The following EPS8 variants were observed in gnomAD, a reference collection of about 807,000 sequenced individuals.
EPS8 encodes the protein epidermal growth factor receptor kinase substrate 8.
EPS8 carries 42 observed loss-of-function variants against 103.8 expected under a neutral mutation model. The observed-to-expected ratio is 0.40, with a 90% CI of 0.32 to 0.52. The LOEUF is 0.52. EPS8 is among the 20% of genes least tolerant of loss of function. EPS8 has a pLI of 0.40. For missense variants in EPS8, 969 were observed against 1,005.1 expected (o/e 0.96, Z 0.49); for synonymous variants, 344 against 344.6 (o/e 1.00, Z 0.02).
intron 12 of EPS8, among the ~76,000 whole-genome samples, chr12:15,657,331 A>G (rs909564741): frequency 2.0e-5 from 3 of 152,170 alleles, no homozygotes; most frequent in African/African-American, 7.2e-5. Context: ...TCCTTTAACC[A>G]ACCCTACTCA....
rs1166175886 is a variant in EPS8, at chr12:15,631,636, G to C, written c.1850C>G (p.Pro617Arg). The change falls in exon 18 of 21, where the codon CCA (proline) becomes CGA (arginine). Residue 617 changes from proline (P) to arginine (R), a missense_variant. Pro to Arg is a moderately radical substitution (Grantham distance 103, BLOSUM62 -2). Coordinates refer to ENST00000281172, the MANE Select transcript of EPS8 (RefSeq NM_004447.6). ...TGATGGAGCAGGGGGAGTATCAGCT[G>C]GTCTTGGGCCATACTCCATCCTTTG... Reference protein sequence around the residue: ...QKQRMEYGPRPADTPPAPSPP... With the variant: ...QKQRMEYGPRRADTPPAPSPP... 2.5e-6 allele frequency: 4 copies of C among 1,613,508 alleles called. No homozygotes were observed. The highest frequency in any genetic ancestry group is 3.4e-6 in the Non-Finnish European group (4 of 1,179,816).
At chr12:15,639,520 G>A (rs762993485) in intron 17 of EPS8, among the ~76,000 whole-genome samples, 1 of 152,108 alleles carries the variant, frequency 6.6e-6, no homozygotes, top group Admixed American at 6.6e-5. Flanking sequence ...CATGAGGCCA[G>A]CCAAAACATA....
intron 3 of EPS8, chr12:15,672,415 A>T: frequency 2.5e-6 from 1 of 398,198 alleles, no homozygotes; most frequent in Non-Finnish European, 4.4e-6. Context: ...AAAATTACTT[A>T]ATAAAAACAG....
At chr12:15,683,051 A>G (rs1946037079) in intron 1 of EPS8, 79 bp from the exon 2 acceptor site, 3 of 677,114 alleles carry the variant, frequency 4.4e-6, no homozygotes, top group Admixed American at 6.4e-5. Flanking sequence ...TCATTCAACA[A>G]ATATGTGTTG....
chr12:15,656,295 T>C (rs1457171258), intron 12 of EPS8, among the ~76,000 whole-genome samples: 2 of 152,220 alleles, frequency 1.3e-5, no homozygotes, highest in African/African-American at 4.8e-5. Flanking sequence ...TGCATATGTA[T>C]GTCCTTGATC....
At chr12:15,671,512 A>G (rs1043164497) in intron 3 of EPS8, among the ~76,000 whole-genome samples, 2 of 152,152 alleles carry the variant, frequency 1.3e-5, no homozygotes, top group African/African-American at 4.8e-5. Flanking sequence ...ACTTAGAATT[A>G]TAAATATAAG....
chr12:15,720,082 T>C (rs531926122), intron 1 of EPS8, among the ~76,000 whole-genome samples: 1 of 152,336 alleles, frequency 6.6e-6, no homozygotes, highest in Non-Finnish European at 1.5e-5. Flanking sequence ...CTCCATACTT[T>C]AAGGCTATAC....
At chr12:15,707,026 A>C (rs886268539) in intron 1 of EPS8, among the ~76,000 whole-genome samples, 6 of 152,222 alleles carry the variant, frequency 3.9e-5, no homozygotes, top group African/African-American at 1.2e-4. Flanking sequence ...CAATCGAAGT[A>C]TGCAAAACCC....
chr12:15,636,267 A>G (rs1458769828), intron 17 of EPS8, among the ~76,000 whole-genome samples: 1 of 152,124 alleles, frequency 6.6e-6, no homozygotes, highest in Admixed American at 6.5e-5. Context: ...ATTTTTATCA[A>G]GACATGTTAT....
At chr12:15,783,678 A>T (rs1400031887) in intron 1 of EPS8, among the ~76,000 whole-genome samples, 2 of 151,460 alleles carry the variant, frequency 1.3e-5, no homozygotes, top group African/African-American at 4.9e-5. Flanking sequence ...CTCTATACTA[A>T]CAATTCCATT....
At chr12:15,676,916 A>G (rs1364894149) in intron 3 of EPS8, among the ~76,000 whole-genome samples, 2 of 151,774 alleles carry the variant, frequency 1.3e-5, no homozygotes, top group East Asian at 3.8e-4. Flanking sequence ...ATAAATTAAT[A>G]TGTCCTCAAA....
chr12:15,770,288 C>CAAAA (rs367721789), intron 1 of EPS8, among the ~76,000 whole-genome samples: 2 of 118,542 alleles, frequency 1.7e-5, no homozygotes, highest in Admixed American at 1.9e-4. Context: ...GACCCTGTCT[C>CAAAA]AAAAAAAAAA....
intron 1 of EPS8, chr12:15,782,026 G>A (rs927086849): frequency 1.3e-5 from 2 of 152,196 alleles, no homozygotes; most frequent in Non-Finnish European, 2.9e-5. Context: ...GAGTTTTGGA[G>A]AGGACAAATA....
chr12:15,743,852 C>A (rs1032897212), intron 1 of EPS8, among the ~76,000 whole-genome samples: 1 of 152,158 alleles, frequency 6.6e-6, no homozygotes, highest in Non-Finnish European at 1.5e-5. Context: ...TAGGCATGGG[C>A]AAGGACTTCA....
intron 2 of EPS8, among the ~76,000 whole-genome samples, 171 bp downstream of exon 2, chr12:15,682,722 G>C (rs1474307046): frequency 1.3e-5 from 2 of 152,086 alleles, no homozygotes; most frequent in Non-Finnish European, 2.9e-5. Context: ...ATTCTTATCA[G>C]ACATAGTAAA....
chr12:15,740,825 C>A lies in EPS8; in HGVS notation c.-22+48336G>T, dbSNP rs747412274. Among the ~76,000 whole-genome samples the A allele has an allele frequency of 2.1e-4, 32 of 152,144 alleles. 1 individual carries two copies. In the South Asian group the frequency reaches 3.9e-3, roughly 19 times the overall value. On this transcript the variant is annotated intron_variant, in intron 1 of 20. Coordinates refer to ENST00000281172, the MANE Select transcript of EPS8 (RefSeq NM_004447.6). Reference sequence around the variant, plus strand: ...TAGAAACAATAATACCTCCCTGTAGCGAAATTAAGAGAAATGTGGCTAATG... The same window carrying A: ...TAGAAACAATAATACCTCCCTGTAGAGAAATTAAGAGAAATGTGGCTAATG...
rs1207719140 is a variant in EPS8 at position 15,674,411 on chromosome 12, A to G, written c.137-3488T>C. ...CAAAAACTTTCAACCACAGTAAGGG[A>G]GAATTCCTTTCCCACTAGCTTAGTG... is the stretch of plus-strand genomic sequence containing the variant. On this transcript the variant is annotated intron_variant, in intron 3 of 20. Transcript: ENST00000281172. 3.3e-5 allele frequency among the ~76,000 whole-genome samples: 5 copies of G among 152,194 alleles called. No individual in the cohort carries two copies. In the East Asian group the frequency reaches 5.8e-4, roughly 18 times the overall value.
Position 15,621,424 on chromosome 12 carries a change from T to G in EPS8, c.2362A>C (p.Ser788Arg). ...ATTTCTTGTAACTCGGAGCTGCCAC[T>G]GCTATCCTGAAAGATAAACAGTTCA... ...TVQKAALEDS[S>R]GSSELQEIMR... is the part of the protein sequence containing the mutation. The change falls in exon 21 of 21, where the codon AGT (serine) becomes CGT (arginine). Residue 788 changes from serine to arginine, a missense_variant. Ser to Arg is a moderately radical substitution (Grantham distance 110, BLOSUM62 -1). Transcript: ENST00000281172. The G allele has an allele frequency of 5.7e-6, 9 of 1,585,714 alleles. No individual in the cohort carries two copies. Among genetic ancestry groups the G allele is most frequent in the African/African-American group, 1.4e-5 (1 of 73,818 alleles).
At position 15,715,394 on chromosome 12, in the gene EPS8, C is replaced by CTTTTTTTTTTT. The variant is rs3086457; in HGVS notation, c.-21-32433_-21-32423dup. On this transcript the variant is annotated intron_variant, in intron 1 of 20. Transcript: ENST00000281172. ...TTTCTTTTTTTTTTTCTTTACTTTT[C>CTTTTTTTTTTT]TTTTTTTTTTTTTTTTGAGATGGAG... 3.9e-5 allele frequency among the ~76,000 whole-genome samples: 5 copies of CTTTTTTTTTTT among 127,184 alleles called. 1 individual carries two copies. Among genetic ancestry groups the CTTTTTTTTTTT allele is most frequent in the Non-Finnish European group, 4.7e-5 (3 of 63,252 alleles). 83.4% of individuals were successfully genotyped at this position (127,184 alleles called of 152,430 possible). A position where few individuals can be genotyped will look rare whatever the true frequency, so the allele number is the denominator to read the frequency against.
Sources: gnomAD v4.1 joint callset for allele counts (sites outside exome capture counted in the v4.1 genomes callset) on GRCh38, gnomAD v4.1.1 for gene constraint, MANE v1.5 for transcripts, NCBI Gene and HGNC (gene_info 2026-07-23, HGNC 2026-07-21) for gene names.